The following ZFAT variants were observed in gnomAD, a reference collection of about 807,000 sequenced individuals.
ZFAT encodes the protein zinc finger protein ZFAT.
ZFAT carries 64 observed loss-of-function variants against 117.7 expected under a neutral mutation model. The observed-to-expected ratio is 0.54, with a 90% confidence interval of 0.44 to 0.67. ZFAT has a LOEUF of 0.67. Ranked by LOEUF, ZFAT falls within the 30% of genes least tolerant of loss-of-function variation. ZFAT has a pLI of 0.00. For synonymous variants in ZFAT, 679 were observed against 615.0 expected, an observed-to-expected ratio of 1.10 and a Z score of -1.54; for missense variants, 1,433 against 1,584.5, an observed-to-expected ratio of 0.90 and a Z score of 1.62.
At chr8:134,763,313 G>A in the ZFAT span, among the ~76,000 whole-genome samples, 23 of 152,002 alleles carry the variant, frequency 1.5e-4, no homozygotes, top group African/African-American at 5.1e-4. Context: ...CCTTTCACTC[G>A]GTTCCCCTAC....
chr8:134,588,468 C>T, intron 8 of ZFAT, 73 bp from the exon 9 acceptor site: 1 of 1,450,654 alleles, frequency 6.9e-7, no homozygotes, highest in Non-Finnish European at 9.2e-7. Flanking sequence ...AACCTCATTG[C>T]TAAGCAGCAC....
rs57041885 is a variant in ZFAT, at chr8:134,566,393, CAA to C, written c.2888-974_2888-973del. Among the ~76,000 whole-genome samples the C allele has an allele frequency of 1.6e-4, 12 of 77,270 alleles. 1 individual carries two copies. Among genetic ancestry groups the C allele is most frequent in the African/African-American group, 2.8e-4 (6 of 21,722 alleles). 50.7% of individuals were successfully genotyped at this position (77,270 alleles called of 152,430 possible). On this transcript the variant is annotated intron_variant, in intron 10 of 15. Coordinates refer to ENST00000377838, the MANE Select transcript of ZFAT (RefSeq NM_020863.4). ...TGGGCGACAGAGCAAGACTCCAACT[CAA>C]AAAAAAAAAAAAAAAGATTAAGGTT...
the ZFAT span, chr8:134,791,895 G>T: frequency 6.6e-6 from 1 of 151,832 alleles, no homozygotes; most frequent in African/African-American, 2.4e-5. Flanking sequence ...AGACTCAGGG[G>T]TTAAAAAAAA....
chr8:134,574,225 G>A (rs141360878), intron 10 of ZFAT, among the ~76,000 whole-genome samples: 178 of 152,264 alleles, frequency 1.2e-3, no homozygotes, highest in African/African-American at 3.8e-3. Flanking sequence ...TTCCCAGCTG[G>A]ATATGGAAGC....
the ZFAT span, among the ~76,000 whole-genome samples, chr8:134,826,244 A>G: frequency 2.6e-5 from 4 of 152,350 alleles, no homozygotes; most frequent in South Asian, 8.3e-4. Context: ...AATAAATTAC[A>G]TCACCTGCTC....
At position 134,693,072 on chromosome 8, in the gene ZFAT, G is replaced by A. The variant is rs531176443; in HGVS notation, c.19+19773C>T. On this transcript the variant is annotated intron_variant, in intron 1 of 15. Transcript: ENST00000377838. ...TTGAATTTAGATACATGTATGTCTC[G>A]TATATGTACATACATACTTCTGTTT... Among the ~76,000 whole-genome samples, 172 of 152,282 alleles carry A rather than the reference G, an allele frequency of 1.1e-3. 2 individuals carry two copies. The Middle Eastern group carries it at 0.024, about 21-fold the overall frequency.
the ZFAT span, among the ~76,000 whole-genome samples, chr8:134,724,878 A>G: frequency 6.6e-6 from 1 of 152,140 alleles, no homozygotes; most frequent in Non-Finnish European, 1.5e-5. Flanking sequence ...CCCTTTGCGA[A>G]CTGAAGTCCA....
intron 15 of ZFAT, among the ~76,000 whole-genome samples, chr8:134,495,246 G>A (rs1053576791): frequency 6.6e-6 from 1 of 152,250 alleles, no homozygotes; most frequent in East Asian, 1.9e-4. Flanking sequence ...GCATGGTTAG[G>A]TTACAGTGCG....
rs974373496 is a variant in ZFAT at position 134,656,225 on chromosome 8, T to C, written c.196+1336A>G. ...CTGTCCCATGCAAACTTTCCTCCTC[T>C]ACCCCAAAGCAAAGGGTCTCAAGTG... On this transcript the variant is annotated intron_variant, in intron 2 of 15. Coordinates refer to ENST00000377838, the MANE Select transcript of ZFAT (RefSeq NM_020863.4). 2.0e-4 allele frequency among the ~76,000 whole-genome samples: 31 copies of C among 152,266 alleles called. 1 individual carries two copies. Among genetic ancestry groups the C allele is most frequent in the African/African-American group, 6.7e-4 (28 of 41,554 alleles).
intron 15 of ZFAT, among the ~76,000 whole-genome samples, chr8:134,503,204 T>C (rs1458233472): frequency 6.6e-6 from 1 of 152,214 alleles, no homozygotes; most frequent in Non-Finnish European, 1.5e-5. Flanking sequence ...GGAGGACTCC[T>C]GGGGGTTAGT....
chr8:134,618,649 A>G (rs977248783), intron 3 of ZFAT, among the ~76,000 whole-genome samples: 3 of 152,154 alleles, frequency 2.0e-5, no homozygotes, highest in African/African-American at 7.2e-5. Context: ...ACTACTAAAT[A>G]AAATATTCTC....
intron 11 of ZFAT, among the ~76,000 whole-genome samples, chr8:134,547,019 A>G (rs989031476): frequency 2.6e-5 from 4 of 152,238 alleles, no homozygotes; most frequent in Non-Finnish European, 5.9e-5. Flanking sequence ...CAAATTCACA[A>G]CAGATAATGA....
At position 134,630,570 on chromosome 8, in the gene ZFAT, T is replaced by G. The variant is rs1451014309; in HGVS notation, c.448+6891A>C. Among the ~76,000 whole-genome samples, 5 of 152,174 alleles carry G rather than the reference T, an allele frequency of 3.3e-5. 1 individual carries two copies. The highest frequency in any genetic ancestry group is 1.9e-4 in the East Asian group (1 of 5,202). ...GAATTTAATGAGAATAAGAGGAAAT[T>G]TTCACAACTCTCCTTGCCTAAGATG... On this transcript the variant is annotated intron_variant, in intron 3 of 15. Coordinates refer to ENST00000377838, the MANE Select transcript of ZFAT (RefSeq NM_020863.4).
the ZFAT span, among the ~76,000 whole-genome samples, chr8:134,720,793 C>A: frequency 5.3e-5 from 8 of 152,232 alleles, no homozygotes; most frequent in African/African-American, 1.9e-4. Context: ...GAGGTAGCTG[C>A]TATGGGAGTG....
chr8:134,678,218 T>G (rs1016325399), intron 1 of ZFAT, among the ~76,000 whole-genome samples: 2 of 152,158 alleles, frequency 1.3e-5, no homozygotes, highest in Non-Finnish European at 2.9e-5. Context: ...GCCCAAAATC[T>G]CCTTAAGCTG....
the ZFAT span, among the ~76,000 whole-genome samples, chr8:134,786,060 A>G: frequency 1.3e-5 from 2 of 152,222 alleles, no homozygotes; most frequent in African/African-American, 4.8e-5. Flanking sequence ...ACACTTTCAA[A>G]CACACTGAAG....
In ZFAT at chr8:134,566,746, G is replaced by A. The variant is rs532767026; in HGVS notation, c.2888-1325C>T. Among the ~76,000 whole-genome samples, 4 of 152,252 alleles carry A rather than the reference G, an allele frequency of 2.6e-5. No individual in the cohort carries two copies. The South Asian group carries it at 8.3e-4, about 32-fold the overall frequency. ...CCTCTATTCACTGCCAGCTCACCTG[G>A]AAACCTGTTCCCACTATGATGCCAA... On this transcript the variant is annotated intron_variant, in intron 10 of 15. Transcript: ENST00000377838.
At chr8:134,810,741 T>C in the ZFAT span, among the ~76,000 whole-genome samples, 2 of 135,986 alleles carry the variant, frequency 1.5e-5, no homozygotes, top group East Asian at 3.9e-4. Flanking sequence ...TTAAATAAAA[T>C]TATGTGGTAC....
chr8:134,500,290 A>AT (rs1818875734), intron 15 of ZFAT, among the ~76,000 whole-genome samples: 1 of 152,198 alleles, frequency 6.6e-6, no homozygotes, highest in Admixed American at 6.5e-5. Flanking sequence ...AAACTCAAAT[A>AT]AAGTGGGATT....
Sources: allele counts gnomAD v4.1 joint callset (sites outside exome capture counted in the v4.1 genomes callset), GRCh38; gene constraint gnomAD v4.1.1; transcripts MANE v1.5; gene names NCBI Gene and HGNC (gene_info 2026-07-23, HGNC 2026-07-21).